The following PIP4K2B variants were observed in gnomAD, a reference collection of about 807,000 sequenced individuals.
The protein encoded by PIP4K2B is phosphatidylinositol-5-phosphate 4-kinase type 2 beta.
Under a neutral mutation model 42.0 loss-of-function variants are expected in PIP4K2B, and 3 were observed. That is an observed-to-expected ratio of 0.07 (90% CI 0.03 to 0.18). PIP4K2B has a LOEUF of 0.18. Among genes scored for constraint, PIP4K2B ranks in the 10% least tolerant of loss-of-function variants. The pLI, the probability that PIP4K2B is intolerant of heterozygous loss-of-function variation, is 1.00. For synonymous variants in PIP4K2B, 204 were observed against 210.1 expected (o/e 0.97, Z 0.25); for missense variants, 332 against 562.3 (o/e 0.59, Z 4.14).
At chr17:38,794,986 G>C (rs1388065466) in intron 1 of PIP4K2B, among the ~76,000 whole-genome samples, 1 of 150,646 alleles carries the variant, frequency 6.6e-6, no homozygotes, top group Non-Finnish European at 1.5e-5. Flanking sequence ...TGTAATCCCA[G>C]TTACTCAGGA....
At position 38,782,353 on chromosome 17, in the gene PIP4K2B, C is replaced by A. The variant is rs115277275; in HGVS notation, c.355-1749G>T. On this transcript the variant is annotated intron_variant, in intron 3 of 9. Transcript: ENST00000619039. ...TTTCAGTCTTGAGCACGGGCATGCG[C>A]CCACAAGGCTACTAGGGGCAAAATG... is the stretch of plus-strand genomic sequence containing the variant. Among the ~76,000 whole-genome samples, 349 of 152,322 alleles carry A rather than the reference C, an allele frequency of 2.3e-3. 2 individuals are homozygous for A. The highest frequency in any genetic ancestry group is 8.2e-3 in the African/African-American group (340 of 41,576).
At position 38,799,184 on chromosome 17, in the gene PIP4K2B, C is replaced by A; in HGVS notation, c.159+82G>T. The A allele has an allele frequency of 7.2e-7, 1 of 1,395,846 alleles. No homozygotes were observed. Among genetic ancestry groups the A allele is most frequent in the Non-Finnish European group, 9.4e-7 (1 of 1,065,186 alleles). The allele number at this position is 1,395,846 out of a possible 1,614,324, so 86.5% of individuals were successfully genotyped here. A position where few individuals can be genotyped will look rare whatever the true frequency, so the allele number is the denominator to read the frequency against. On this transcript the variant is annotated intron_variant, in intron 1 of 9. Coordinates refer to ENST00000619039, the MANE Select transcript of PIP4K2B (RefSeq NM_003559.5). The surrounding 1 kb of genome is among the most constrained non-coding windows in gnomAD (Gnocchi z 4.4). Reference sequence around the variant, plus strand: ...GGGGTGGCAGGCGTCACCGGCAGGGCCTGCGGGGCAAGGGCCCAGGGCTGC... The same window carrying A: ...GGGGTGGCAGGCGTCACCGGCAGGGACTGCGGGGCAAGGGCCCAGGGCTGC...
intron 3 of PIP4K2B, among the ~76,000 whole-genome samples, chr17:38,781,829 T>G (rs1204772074): frequency 2.0e-5 from 3 of 151,616 alleles, no homozygotes; most frequent in Non-Finnish European, 4.4e-5. Context: ...TTTTTTTTTT[T>G]TTAAAGATGG....
At chr17:38,797,151 A>C (rs566034281) in intron 1 of PIP4K2B, among the ~76,000 whole-genome samples, 1 of 152,136 alleles carries the variant, frequency 6.6e-6, no homozygotes, top group Non-Finnish European at 1.5e-5. Context: ...ATGCCTTTCC[A>C]ACTAGCCCCT....
chr17:38,783,007 G>A (rs1317595929), intron 3 of PIP4K2B, among the ~76,000 whole-genome samples: 1 of 151,644 alleles, frequency 6.6e-6, no homozygotes, highest in Admixed American at 6.6e-5. Context: ...TCAACATGGT[G>A]AAACCCCGTC....
chr17:38,797,318 C>T (rs1476287042), intron 1 of PIP4K2B, among the ~76,000 whole-genome samples: 1 of 152,182 alleles, frequency 6.6e-6, no homozygotes, highest in Non-Finnish European at 1.5e-5. Context: ...CCTATCGGAA[C>T]ACCATGCATC....
At position 38,769,402 on chromosome 17, in the gene PIP4K2B, G is replaced by A; in HGVS notation, c.*289C>T. 1 of 438,806 alleles carries A rather than the reference G, an allele frequency of 2.3e-6. No individual in the cohort carries two copies. Among genetic ancestry groups the A allele is most frequent in the Non-Finnish European group, 4.1e-6 (1 of 244,866 alleles). The allele number at this position is 438,806 out of a possible 1,614,324, so 27.2% of individuals were successfully genotyped here. A position where few individuals can be genotyped will look rare whatever the true frequency, so the allele number is the denominator to read the frequency against. On this transcript the variant is annotated 3_prime_UTR_variant, in exon 10 of 10. Transcript: ENST00000619039. Reference sequence around the variant, plus strand: ...CCCAAGGTATCTTAAAAGGTTACAAGGTACCAAAAAGGGAACCCCTTTTTA... The same window carrying A: ...CCCAAGGTATCTTAAAAGGTTACAAAGTACCAAAAAGGGAACCCCTTTTTA...
rs114818871 is a variant in PIP4K2B, at chr17:38,792,459, A to T, written c.160-5539T>A. Among the ~76,000 whole-genome samples the T allele has an allele frequency of 9.1e-3, 1,387 of 152,190 alleles. 27 individuals are homozygous for T. Among genetic ancestry groups the T allele is most frequent in the African/African-American group, 0.032 (1,322 of 41,530 alleles). On this transcript the variant is annotated intron_variant, in intron 1 of 9. Transcript: ENST00000619039. ...TACAACAGAATACTATTCAGCCTTT[A>T]AAAAAAAGAAGAAAATTCTGCAATA...
At position 38,780,447 on chromosome 17, in the gene PIP4K2B, C is replaced by A; in HGVS notation, c.507+5G>T. On this transcript the variant is annotated splice_donor_5th_base_variant and intron_variant, in intron 4 of 9. Transcript: ENST00000619039. ...TCTGCAGCCCAGGCTTGGGACTCAC[C>A]ATACCTGGTGGTATTTCTTTAAGAT... The A allele has an allele frequency of 6.2e-7, 1 of 1,608,294 alleles. No homozygotes were observed. The highest frequency in any genetic ancestry group is 8.5e-7 in the Non-Finnish European group (1 of 1,175,582).
intron 1 of PIP4K2B, among the ~76,000 whole-genome samples, chr17:38,789,964 TG>T (rs1910259036): frequency 1.3e-5 from 2 of 151,996 alleles, no homozygotes. Flanking sequence ...GGGTGCTGAG[TG>T]TAAAGGGACA....
intron 1 of PIP4K2B, among the ~76,000 whole-genome samples, chr17:38,795,099 CAAAAAAAAAAAAAAAA>C (rs61707682): frequency 4.8e-5 from 2 of 41,496 alleles, no homozygotes; most frequent in African/African-American, 1.7e-4. Context: ...AACTCCATCT[CAAAAAAAAAAAAAAAA>C]AAAAAAAAAG....
intron 3 of PIP4K2B, among the ~76,000 whole-genome samples, chr17:38,781,626 C>A (rs539604457): frequency 1.3e-5 from 2 of 152,210 alleles, no homozygotes; most frequent in African/African-American, 2.4e-5. Context: ...AAGTGATCCT[C>A]CCGCCTCAGC....
intron 1 of PIP4K2B, among the ~76,000 whole-genome samples, chr17:38,789,278 T>G (rs1910214533): frequency 6.6e-6 from 1 of 152,234 alleles, no homozygotes; most frequent in Non-Finnish European, 1.5e-5. Flanking sequence ...GAGCTAGCTT[T>G]CCATTGGTGC....
chr17:38,789,905 G>A (rs1412747136), intron 1 of PIP4K2B, among the ~76,000 whole-genome samples: 2 of 152,100 alleles, frequency 1.3e-5, no homozygotes, highest in African/African-American at 4.8e-5. Flanking sequence ...TTCTACAGCA[G>A]GCATCTATAA....
intron 1 of PIP4K2B, among the ~76,000 whole-genome samples, chr17:38,789,821 G>A (rs1316740246): frequency 6.6e-6 from 1 of 152,134 alleles, no homozygotes; most frequent in South Asian, 2.1e-4. Flanking sequence ...CAGTGGAGCA[G>A]ACACTAGGTA....
intron 1 of PIP4K2B, among the ~76,000 whole-genome samples, chr17:38,794,870 C>A (rs188406412): frequency 6.6e-6 from 1 of 151,146 alleles, no homozygotes; most frequent in Non-Finnish European, 1.5e-5. Context: ...GAGGCCGAGG[C>A]GGGGGGATTG....
At chr17:38,778,464 G>T in intron 5 of PIP4K2B, 92 bp from the exon 6 acceptor site, 2 of 1,170,802 alleles carry the variant, frequency 1.7e-6, no homozygotes, top group Non-Finnish European at 1.3e-6. Context: ...AACTCAAGTA[G>T]GCTTGTTAGA....
chr17:38,776,313 T>C (rs188729904), intron 7 of PIP4K2B, among the ~76,000 whole-genome samples: 2 of 152,206 alleles, frequency 1.3e-5, no homozygotes, highest in Non-Finnish European at 2.9e-5. Context: ...GTCAACTTCA[T>C]AGGGGCAGAA....
intron 4 of PIP4K2B, 33 bp downstream of exon 4, chr17:38,780,419 T>C (rs200528778): frequency 4.4e-6 from 7 of 1,576,770 alleles, no homozygotes; most frequent in Non-Finnish European, 6.1e-6. Flanking sequence ...TTCCAACCCA[T>C]CCTCTGCAGC....
Sources: allele counts gnomAD v4.1 joint callset (sites outside exome capture counted in the v4.1 genomes callset), GRCh38; gene constraint gnomAD v4.1.1; non-coding constraint Gnocchi (gnomAD v3.1); transcripts MANE v1.5; gene names NCBI Gene and HGNC (gene_info 2026-07-23, HGNC 2026-07-21).